The following FAF1 variants were observed in gnomAD, a reference collection of about 807,000 sequenced individuals.
FAF1 encodes FAS-associated factor 1.
A neutral mutation model predicts 92.5 loss-of-function variants in FAF1; 25 were observed. The ratio of observed to expected loss-of-function variants is 0.27; its 90% CI spans 0.20 to 0.38. FAF1 has a LOEUF of 0.38. Among genes scored for constraint, FAF1 ranks in the 10% least tolerant of loss-of-function variants. The pLI is 1.00. For missense variants in FAF1, 636 were observed against 793.3 expected (o/e 0.80, Z 2.38); for synonymous variants, 234 against 273.2 (o/e 0.86, Z 1.42).
intron 4 of FAF1, among the ~76,000 whole-genome samples, chr1:50,771,547 G>A (rs898768651): frequency 6.6e-6 from 1 of 152,122 alleles, no homozygotes; most frequent in African/African-American, 2.4e-5. Flanking sequence ...TCAGAGAAAT[G>A]CAAGTCAAAA....
intron 18 of FAF1, among the ~76,000 whole-genome samples, chr1:50,462,751 G>A (rs1030826182): frequency 5.3e-5 from 8 of 152,164 alleles, no homozygotes; most frequent in Admixed American, 5.2e-4. Context: ...TGAAAATACA[G>A]GTTGATTGGT....
Position 50,960,124 on chromosome 1 carries a change from G to A in FAF1, c.-313C>T. 2.7e-6 allele frequency: 1 copy of A among 376,538 alleles called. No homozygotes were observed. The highest frequency in any genetic ancestry group is 4.6e-5 in the Admixed American group (1 of 21,950). The allele number at this position is 376,538 out of a possible 1,614,324, so 23.3% of individuals were successfully genotyped here. On this transcript the variant is annotated 5_prime_UTR_variant, in exon 1 of 19. Coordinates refer to ENST00000396153, the MANE Select transcript of FAF1 (RefSeq NM_007051.3). ...CAGTCGCGGGCCAGGATGAGGGCAG[G>A]TTGCGACAGCGCGCACCCGGATACC...
At chr1:50,846,888 G>A in intron 2 of FAF1, 2 of 403,902 alleles carry the variant, frequency 5.0e-6, no homozygotes, top group Non-Finnish European at 9.2e-6. Context: ...CTTCATATTT[G>A]AGCAGCATGG....
chr1:50,753,810 T>C (rs1461898722), intron 4 of FAF1, among the ~76,000 whole-genome samples: 3 of 147,728 alleles, frequency 2.0e-5, no homozygotes, highest in Non-Finnish European at 4.4e-5. Context: ...CAGCCTGGAG[T>C]GTAGTGGTGC....
intron 17 of FAF1, among the ~76,000 whole-genome samples, chr1:50,481,896 G>A (rs1042004799): frequency 6.6e-6 from 1 of 152,126 alleles, no homozygotes; most frequent in African/African-American, 2.4e-5. Context: ...AATGGAATGA[G>A]CAAGGGGAGA....
At chr1:50,836,456 G>A (rs1436398800) in intron 2 of FAF1, among the ~76,000 whole-genome samples, 1 of 151,978 alleles carries the variant, frequency 6.6e-6, no homozygotes, top group African/African-American at 2.4e-5. Flanking sequence ...GGTAATGTTA[G>A]GGACAAAAAT....
intron 3 of FAF1, among the ~76,000 whole-genome samples, chr1:50,793,295 CAGCTGTT>C (rs1661630323): frequency 6.6e-6 from 1 of 152,134 alleles, no homozygotes; most frequent in African/African-American, 2.4e-5. Context: ...AAGACACTTG[CAGCTGTT>C]TACTAGAGTA....
At chr1:50,660,578 C>T (rs1182561599) in intron 7 of FAF1, among the ~76,000 whole-genome samples, 1 of 151,936 alleles carries the variant, frequency 6.6e-6, no homozygotes, top group Non-Finnish European at 1.5e-5. Context: ...ACTGCAACCT[C>T]CACCTCCTGG....
chr1:50,794,898 A>T (rs537879010), intron 3 of FAF1, among the ~76,000 whole-genome samples: 59 of 152,044 alleles, frequency 3.9e-4, no homozygotes, highest in African/African-American at 1.4e-3. Context: ...TGGCCTCCCA[A>T]AGTGCTGGGA....
At chr1:50,670,862 G>A (rs1224183007) in intron 7 of FAF1, among the ~76,000 whole-genome samples, 2 of 151,914 alleles carry the variant, frequency 1.3e-5, no homozygotes, top group Non-Finnish European at 2.9e-5. Context: ...CCCAGGAGGT[G>A]AAAGATGCAG....
intron 5 of FAF1, among the ~76,000 whole-genome samples, chr1:50,739,447 TAC>T (rs936303115): frequency 3.3e-5 from 5 of 152,128 alleles, no homozygotes; most frequent in Non-Finnish European, 7.4e-5. Context: ...TATATGTGTA[TAC>T]ACACATACAC....
rs1253410389 is a variant in FAF1, at chr1:50,437,606, TGGTCAGG to T, written c.*3827_*3833del. On this transcript the variant is annotated 3_prime_UTR_variant, in exon 19 of 19. Transcript: ENST00000396153. ...TTTTTAGAGACAGGGTCTTGGTATGTGGTCAGGGCTGGTCTTGAACTTCTGGCCTCAA... is the reference window on the plus strand; with the variant it reads ...TTTTTAGAGACAGGGTCTTGGTATGTGCTGGTCTTGAACTTCTGGCCTCAA... 1 of 152,182 alleles carries T rather than the reference TGGTCAGG, an allele frequency of 6.6e-6. No homozygotes were observed. Among genetic ancestry groups the T allele is most frequent in the Non-Finnish European group, 1.5e-5 (1 of 68,044 alleles). 9.4% of individuals were successfully genotyped at this position (152,182 alleles called of 1,614,324 possible).
intron 2 of FAF1, among the ~76,000 whole-genome samples, chr1:50,825,667 A>G (rs1365679746): frequency 6.6e-6 from 1 of 152,142 alleles, no homozygotes; most frequent in Non-Finnish European, 1.5e-5. Context: ...AACACAAAAA[A>G]AACCCGACAT....
At chr1:50,447,122 T>C (rs950222893) in intron 18 of FAF1, among the ~76,000 whole-genome samples, 4 of 94,092 alleles carry the variant, frequency 4.3e-5, no homozygotes, top group East Asian at 2.8e-4. Context: ...ATATTCCTGC[T>C]TTTTTTTTTT....
chr1:50,933,218 T>C (rs1185698961), intron 1 of FAF1, among the ~76,000 whole-genome samples: 3 of 152,224 alleles, frequency 2.0e-5, no homozygotes, highest in African/African-American at 7.2e-5. Flanking sequence ...ATGGGTCTTT[T>C]CTACTGCGTC....
At chr1:50,663,998 C>CTTTTTT (rs555597172) in intron 7 of FAF1, among the ~76,000 whole-genome samples, 1 of 128,768 alleles carries the variant, frequency 7.8e-6, no homozygotes, top group Admixed American at 8.0e-5. Context: ...ATCTGTTAAT[C>CTTTTTT]TTTTTTTTTT....
intron 15 of FAF1, among the ~76,000 whole-genome samples, chr1:50,507,765 G>C (rs1647077736): frequency 6.6e-6 from 1 of 152,204 alleles, no homozygotes; most frequent in Non-Finnish European, 1.5e-5. Context: ...TTAGTGATTT[G>C]AGCAGTGAAA....
At chr1:50,444,740 C>T (rs1646208663) in intron 18 of FAF1, among the ~76,000 whole-genome samples, 2 of 152,166 alleles carry the variant, frequency 1.3e-5, no homozygotes, top group Admixed American at 6.5e-5. Context: ...AACTAGACCT[C>T]ACAACAGCTC....
In FAF1 at chr1:50,609,602, G is replaced by A. The variant is rs952967916; in HGVS notation, c.745-13386C>T. ...TTGCTATGTTGCCCACACTGGTCTCGAACTCCTGGGCTCAAGCAATCCTCC... is the reference window on the plus strand; with the variant it reads ...TTGCTATGTTGCCCACACTGGTCTCAAACTCCTGGGCTCAAGCAATCCTCC... On this transcript the variant is annotated intron_variant, in intron 8 of 18. Transcript: ENST00000396153. 1.3e-5 allele frequency among the ~76,000 whole-genome samples: 2 copies of A among 151,922 alleles called. 1 individual carries two copies. Among genetic ancestry groups the A allele is most frequent in the African/African-American group, 4.8e-5 (2 of 41,338 alleles).
Sources: allele counts gnomAD v4.1 joint callset (sites outside exome capture counted in the v4.1 genomes callset), GRCh38; gene constraint gnomAD v4.1.1; transcripts MANE v1.5; gene names NCBI Gene and HGNC (gene_info 2026-07-23, HGNC 2026-07-21).